Variants in RAB38 observed in about 807,000 individuals in gnomAD.
RAB38 encodes RAB38, member RAS oncogene family, also known as ras-related protein Rab-38.
RAB38 carries 15 observed loss-of-function variants against 18.4 expected under a neutral mutation model. The observed-to-expected ratio is 0.82, with a 90% CI of 0.55 to 1.26. The LOEUF (loss-of-function observed/expected upper bound fraction) is 1.26. RAB38 is among the 50% of genes most tolerant of loss of function. The probability of loss-of-function intolerance (pLI) is 0.00; values close to 1 mark genes in which losing one functional copy is unlikely to be tolerated. For synonymous variants in RAB38, 101 were observed against 104.4 expected (o/e 0.97, Z 0.20); for missense variants, 294 against 267.4 (o/e 1.10, Z -0.69).
chr11:87,903,300 C>T, the RAB38 span, among the ~76,000 whole-genome samples: 1 of 151,368 alleles, frequency 6.6e-6, no homozygotes, highest in Non-Finnish European at 1.5e-5. Context: ...AAATTTTTTT[C>T]TTCTTTTCCC....
At chr11:88,071,827 C>T in the RAB38 span, among the ~76,000 whole-genome samples, 1 of 152,202 alleles carries the variant, frequency 6.6e-6, no homozygotes, top group Non-Finnish European at 1.5e-5. Flanking sequence ...CTCTGATACT[C>T]CAGGCCCCAT....
At chr11:88,095,052 T>A in the RAB38 span, among the ~76,000 whole-genome samples, 2 of 151,856 alleles carry the variant, frequency 1.3e-5, no homozygotes, top group African/African-American at 2.4e-5. Context: ...CTCAAAGACA[T>A]CACTCCAATA....
intron 2 of RAB38, among the ~76,000 whole-genome samples, chr11:88,132,959 TACA>T (rs1942784145): frequency 6.6e-6 from 1 of 152,212 alleles, no homozygotes; most frequent in African/African-American, 2.4e-5. Context: ...TGACCGTAAG[TACA>T]ACATGTCTCT....
At chr11:88,026,221 T>A in the RAB38 span, among the ~76,000 whole-genome samples, 1 of 152,018 alleles carries the variant, frequency 6.6e-6, no homozygotes, top group Non-Finnish European at 1.5e-5. Context: ...GAAAATAGAT[T>A]AGTGGTTGCC....
At chr11:87,837,516 A>G in the RAB38 span, among the ~76,000 whole-genome samples, 1 of 152,174 alleles carries the variant, frequency 6.6e-6, no homozygotes, top group Non-Finnish European at 1.5e-5. Flanking sequence ...AAGATTAGAG[A>G]GATACAGCAG....
At chr11:88,135,534 T>C (rs1005006285) in intron 2 of RAB38, among the ~76,000 whole-genome samples, 3 of 152,236 alleles carry the variant, frequency 2.0e-5, no homozygotes, top group African/African-American at 7.2e-5. Flanking sequence ...AGAAGATATA[T>C]AATGGCATGC....
downstream of RAB38, among the ~76,000 whole-genome samples, chr11:88,109,146 C>A (rs900695694): frequency 6.6e-6 from 1 of 151,994 alleles, no homozygotes; most frequent in African/African-American, 2.4e-5. Context: ...TACTACAAGG[C>A]TACAATGACC....
At chr11:88,162,838 T>G (rs1943202722) in intron 1 of RAB38, among the ~76,000 whole-genome samples, 1 of 152,114 alleles carries the variant, frequency 6.6e-6, no homozygotes, top group South Asian at 2.1e-4. Context: ...AACCTATGCC[T>G]TGCTAGGCTC....
At chr11:88,160,522 C>G (rs143550082) in intron 1 of RAB38, among the ~76,000 whole-genome samples, 186 of 152,178 alleles carry the variant, frequency 1.2e-3, no homozygotes, top group African/African-American at 4.3e-3. Flanking sequence ...ACCAAAAACA[C>G]GTGCACTCAC....
chr11:87,938,040 C>T, the RAB38 span, among the ~76,000 whole-genome samples: 1 of 152,020 alleles, frequency 6.6e-6, no homozygotes, highest in African/African-American at 2.4e-5. Context: ...GATGTTTTCA[C>T]ATTATATACT....
At chr11:88,030,885 A>G in the RAB38 span, among the ~76,000 whole-genome samples, 1 of 151,942 alleles carries the variant, frequency 6.6e-6, no homozygotes, top group Non-Finnish European at 1.5e-5. Flanking sequence ...TTATGAGGCC[A>G]GCATCATCCT....
chr11:87,875,978 G>A, the RAB38 span, among the ~76,000 whole-genome samples: 1 of 151,410 alleles, frequency 6.6e-6, no homozygotes, highest in African/African-American at 2.4e-5. Flanking sequence ...CTTTTGCCAA[G>A]GTCTTCAATA....
the RAB38 span, among the ~76,000 whole-genome samples, chr11:87,975,780 A>G: frequency 6.6e-6 from 1 of 151,790 alleles, no homozygotes; most frequent in African/African-American, 2.4e-5. Context: ...AGTAAGAGGT[A>G]TAACAAAAAA....
At chr11:87,847,456 T>G in the RAB38 span, among the ~76,000 whole-genome samples, 1 of 152,068 alleles carries the variant, frequency 6.6e-6, no homozygotes, top group African/African-American at 2.4e-5. Flanking sequence ...AAGAAAAAGC[T>G]GAATAGTCTT....
the RAB38 span, among the ~76,000 whole-genome samples, chr11:88,026,146 G>T: frequency 6.6e-6 from 1 of 151,926 alleles, no homozygotes; most frequent in African/African-American, 2.4e-5. Flanking sequence ...TGTATTTTTA[G>T]TAGAGACAGG....
intron 1 of RAB38, chr11:88,173,619 C>T (rs527876891): frequency 2.0e-6 from 2 of 985,398 alleles, no homozygotes; most frequent in South Asian, 9.4e-5. Context: ...CCCGTTTAAA[C>T]AGTAAGCCGT....
chr11:88,032,468 T>C, the RAB38 span, among the ~76,000 whole-genome samples: 7 of 152,140 alleles, frequency 4.6e-5, no homozygotes, highest in Non-Finnish European at 5.9e-5. Context: ...AGAAAATTTT[T>C]GCAACCTACT....
the RAB38 span, among the ~76,000 whole-genome samples, chr11:88,048,556 T>C: frequency 6.6e-6 from 1 of 152,198 alleles, no homozygotes; most frequent in African/African-American, 2.4e-5. Context: ...GTCCTCGGAA[T>C]GCTACAAAGT....
At chr11:87,914,485 T>C in the RAB38 span, among the ~76,000 whole-genome samples, 1 of 152,148 alleles carries the variant, frequency 6.6e-6, no homozygotes, top group Non-Finnish European at 1.5e-5. Context: ...TACTTTTCAC[T>C]GCTCATGCTC....
Sources: allele counts gnomAD v4.1 joint callset (sites outside exome capture counted in the v4.1 genomes callset), GRCh38; gene constraint gnomAD v4.1.1; transcripts MANE v1.5; gene names NCBI Gene and HGNC (gene_info 2026-07-23, HGNC 2026-07-21).